PECAM1: variants seen among roughly 807,000 people sequenced by gnomAD.
The protein encoded by PECAM1 is platelet endothelial cell adhesion molecule.
A neutral mutation model predicts 13.8 loss-of-function variants in PECAM1; 8 were observed. That is an observed-to-expected ratio of 0.58 (90% CI 0.34 to 1.05). The LOEUF is 1.05. Ranked by LOEUF, PECAM1 falls within the 50% of genes least tolerant of loss-of-function variation. The pLI is 0.03. For missense variants in PECAM1, 304 were observed against 141.2 expected (o/e 2.15, Z -5.84); for synonymous variants, 136 against 52.6 (o/e 2.58, Z -6.86).
chr17:64,333,432 T>C (rs1375967671), intron 14 of PECAM1, among the ~76,000 whole-genome samples: 2 of 152,054 alleles, frequency 1.3e-5, no homozygotes, highest in Admixed American at 1.3e-4. Context: ...GGTGGCCCTG[T>C]TGAAATTTTG....
At chr17:64,386,543 C>T (rs2036598024) in intron 2 of PECAM1, among the ~76,000 whole-genome samples, 1 of 151,892 alleles carries the variant, frequency 6.6e-6, no homozygotes, top group Non-Finnish European at 1.5e-5. Context: ...TAAAAAAAGA[C>T]TTTGTTTGAT....
At chr17:64,372,169 GA>G (rs1470227166) in intron 4 of PECAM1, among the ~76,000 whole-genome samples, 1 of 152,078 alleles carries the variant, frequency 6.6e-6, no homozygotes, top group African/African-American at 2.4e-5. Flanking sequence ...AGCACTTTGG[GA>G]GGCCGAGATG....
chr17:64,323,056 G>A lies in PECAM1; in HGVS notation c.*760C>T, dbSNP rs1555644780. On this transcript the variant is annotated 3_prime_UTR_variant, in exon 16 of 16. Transcript: ENST00000563924. Reference sequence around the variant, plus strand: ...TTAGTAAGAAACATACACATTTCAAGTTTTCAATTAAGAATAATATTTGCT... The same window carrying A: ...TTAGTAAGAAACATACACATTTCAAATTTTCAATTAAGAATAATATTTGCT... 3.0e-6 allele frequency: 3 copies of A among 984,804 alleles called. No individual in the cohort carries two copies. The highest frequency in any genetic ancestry group is 2.4e-6 in the Non-Finnish European group (2 of 829,496). The allele number at this position is 984,804 out of a possible 1,614,324, so 61.0% of individuals were successfully genotyped here. A position where few individuals can be genotyped will look rare whatever the true frequency, so the allele number is the denominator to read the frequency against.
chr17:64,339,980 T>C (rs2143725156), intron 14 of PECAM1, among the ~76,000 whole-genome samples: 1 of 152,252 alleles, frequency 6.6e-6, no homozygotes, highest in East Asian at 1.9e-4. Context: ...TAAAACCTCA[T>C]CTCTACCAAA....
At chr17:64,337,452 G>T (rs1441203576) in intron 14 of PECAM1, among the ~76,000 whole-genome samples, 2 of 152,182 alleles carry the variant, frequency 1.3e-5, no homozygotes, top group African/African-American at 4.8e-5. Context: ...GGATAATACA[G>T]TGACTGTGGG....
At chr17:64,336,238 C>T (rs1260061202) in intron 14 of PECAM1, among the ~76,000 whole-genome samples, 11 of 149,806 alleles carry the variant, frequency 7.3e-5, no homozygotes, top group African/African-American at 2.7e-4. Flanking sequence ...TGCACTCCAG[C>T]CTGGGTGACA....
intron 2 of PECAM1, among the ~76,000 whole-genome samples, chr17:64,384,834 A>G (rs2036558994): frequency 6.6e-6 from 1 of 152,258 alleles, no homozygotes; most frequent in Non-Finnish European, 1.5e-5. Context: ...TTATGCAGCA[A>G]TAGGTAACAA....
rs1131012 is a variant in PECAM1, at chr17:64,350,416, T to C, written c.2008A>G (p.Arg670Gly). Residue 670 changes from arginine to glycine, a missense_variant, in exon 12 of 16, where the codon AGA becomes GGA. Physicochemically the swap from Arg to Gly is moderately radical, Grantham distance 125. Transcript: ENST00000563924. ...TTTATTGGTTTCATTGCATGGTTTC[T>C]GACATCGTCATTGTGACCTAGTTGA... ...NSHYGHNDDV[R>G]NHAMKPINDN... The C allele has an allele frequency of 0.44, 188,340 of 429,034 alleles. 44,658 individuals carry two copies. Among genetic ancestry groups the C allele is most frequent in the East Asian group, 0.49 (14,669 of 29,858 alleles). 26.6% of individuals were successfully genotyped at this position (429,034 alleles called of 1,614,324 possible).
chr17:64,390,451 G>C lies in PECAM1; in HGVS notation c.91+38C>G, dbSNP rs916328520. 5.8e-3 allele frequency: 2,740 copies of C among 469,372 alleles called. 57 individuals are homozygous for C. The highest frequency in any genetic ancestry group is 0.047 in the African/African-American group (2,355 of 50,552). The allele number at this position is 469,372 out of a possible 1,614,324, so 29.1% of individuals were successfully genotyped here. A position where few individuals can be genotyped will look rare whatever the true frequency, so the allele number is the denominator to read the frequency against. On this transcript the variant is annotated intron_variant, in intron 2 of 15. Coordinates refer to ENST00000563924, the MANE Select transcript of PECAM1 (RefSeq NM_000442.5). ...TCACAGAAGAGAAAGGAGGAAGCCA[G>C]GTAGAAACATCTGTTACAGTGGAAA...
In PECAM1 at chr17:64,374,488, C is replaced by T. The variant is rs1361329902; in HGVS notation, c.691+563G>A. Reference sequence around the variant, plus strand: ...CAGGCAACAGAGCAAGACCCTGTCTCAAAAACACACACAAGGTTGGGGTGG... The same window carrying T: ...CAGGCAACAGAGCAAGACCCTGTCTTAAAAACACACACAAGGTTGGGGTGG... On this transcript the variant is annotated intron_variant, in intron 4 of 15. Transcript: ENST00000563924. Among the ~76,000 whole-genome samples, 10 of 148,684 alleles carry T rather than the reference C, an allele frequency of 6.7e-5. No individual in the cohort carries two copies. In the South Asian group the frequency reaches 2.1e-3, roughly 32 times the overall value.
intron 14 of PECAM1, among the ~76,000 whole-genome samples, chr17:64,335,205 C>T (rs1261226436): frequency 6.6e-6 from 1 of 152,066 alleles, no homozygotes; most frequent in African/African-American, 2.4e-5. Flanking sequence ...GAGAAGGTGA[C>T]CAAGGTCTTG....
intron 14 of PECAM1, among the ~76,000 whole-genome samples, chr17:64,335,701 C>T (rs1002577969): frequency 6.6e-6 from 1 of 152,272 alleles, no homozygotes. Context: ...ATAATAGAAC[C>T]CCCATCAACT....
chr17:64,338,138 C>T (rs996983145), intron 14 of PECAM1, among the ~76,000 whole-genome samples: 21 of 151,930 alleles, frequency 1.4e-4, no homozygotes, highest in African/African-American at 3.6e-4. Context: ...CAGGCTCAAG[C>T]GATCCTCCTG....
At position 64,358,111 on chromosome 17, in the gene PECAM1, CTTTTTTTT is replaced by C. The variant is rs141671796; in HGVS notation, c.1493-1721_1493-1714del. 2.5e-4 allele frequency among the ~76,000 whole-genome samples: 18 copies of C among 71,550 alleles called. No individual in the cohort carries two copies. In the South Asian group the frequency reaches 3.0e-3, roughly 12 times the overall value. The allele number at this position is 71,550 out of a possible 152,430, so 46.9% of individuals were successfully genotyped here. A position where few individuals can be genotyped will look rare whatever the true frequency, so the allele number is the denominator to read the frequency against. ...TCCAGCCATCTGATTTGGCCACAGTCTTTTTTTTTTTTTTTTTTTTTTTTTGAGATAGA... is the reference window on the plus strand; with the variant it reads ...TCCAGCCATCTGATTTGGCCACAGTCTTTTTTTTTTTTTTTTTGAGATAGA... On this transcript the variant is annotated intron_variant, in intron 7 of 15. Coordinates refer to ENST00000563924, the MANE Select transcript of PECAM1 (RefSeq NM_000442.5).
chr17:64,344,171 C>G (rs1320191930), intron 13 of PECAM1, among the ~76,000 whole-genome samples: 2 of 151,424 alleles, frequency 1.3e-5, no homozygotes, highest in East Asian at 3.9e-4. Context: ...AGGGAGAGGG[C>G]TTGGTGTTTG....
chr17:64,323,495 A>G lies in PECAM1; in HGVS notation c.*321T>C. The G allele has an allele frequency of 7.7e-7, 1 of 1,304,236 alleles. No homozygotes were observed. 80.8% of individuals were successfully genotyped at this position (1,304,236 alleles called of 1,614,324 possible). On this transcript the variant is annotated 3_prime_UTR_variant, in exon 16 of 16. Coordinates refer to ENST00000563924, the MANE Select transcript of PECAM1 (RefSeq NM_000442.5). ...ATGGAAAAGGTCTTTATCTCTGCAC[A>G]AAACAAAATATTCAAGTTTCAGAAT...
At chr17:64,356,864 C>T (rs955368703) in intron 7 of PECAM1, among the ~76,000 whole-genome samples, 3 of 152,144 alleles carry the variant, frequency 2.0e-5, no homozygotes, top group Non-Finnish European at 4.4e-5. Flanking sequence ...TGCTTTGACT[C>T]CCTTATTTCA....
rs1168666687 is a variant in PECAM1, at chr17:64,369,843, C to A, written c.874G>T (p.Val292Phe). 2.5e-6 allele frequency: 1 copy of A among 398,666 alleles called. No individual in the cohort carries two copies. Among genetic ancestry groups the A allele is most frequent in the Non-Finnish European group, 4.4e-6 (1 of 226,088 alleles). The allele number at this position is 398,666 out of a possible 1,614,324, so 24.7% of individuals were successfully genotyped here. ...CCACTGTGCTCCACCATGGCCATGA[C>A]TGAGTACACAGCCTTGTTGCCATGT... ...NRHGNKAVYS[V>F]MAMVEHSGNY... The change falls in exon 5 of 16, where the codon GTC (valine) becomes TTC (phenylalanine). Residue 292 changes from valine (V) to phenylalanine (F), a missense_variant. Coordinates refer to ENST00000563924, the MANE Select transcript of PECAM1 (RefSeq NM_000442.5).
chr17:64,390,748 C>G lies in PECAM1; in HGVS notation c.-83G>C. On this transcript the variant is annotated 5_prime_UTR_variant, in exon 1 of 16. Coordinates refer to ENST00000563924, the MANE Select transcript of PECAM1 (RefSeq NM_000442.5). ...GCAGAAGGCACTGCCCACAAGTCAC[C>G]GTTGAGAAACCCGCCCTGTGAAAAG... 1 of 407,446 alleles carries G rather than the reference C, an allele frequency of 2.5e-6. No individual in the cohort carries two copies. The highest frequency in any genetic ancestry group is 4.4e-6 in the Non-Finnish European group (1 of 227,170). The allele number at this position is 407,446 out of a possible 1,614,324, so 25.2% of individuals were successfully genotyped here. A position where few individuals can be genotyped will look rare whatever the true frequency, so the allele number is the denominator to read the frequency against.
Sources: gnomAD v4.1 joint callset for allele counts (sites outside exome capture counted in the v4.1 genomes callset) on GRCh38, gnomAD v4.1.1 for gene constraint, MANE v1.5 for transcripts, NCBI Gene and HGNC (gene_info 2026-07-23, HGNC 2026-07-21) for gene names.